The following MICU1 variants were observed in gnomAD, a reference collection of about 807,000 sequenced individuals.
MICU1 encodes the protein mitochondrial calcium uptake 1, also known as calcium uptake protein 1, mitochondrial.
Under a neutral mutation model 56.8 loss-of-function variants are expected in MICU1, and 45 were observed. The observed-to-expected ratio is 0.79, with a 90% CI of 0.62 to 1.02. MICU1 has a LOEUF of 1.02. Among genes scored for constraint, MICU1 ranks in the 50% least tolerant of loss-of-function variants. The pLI is 0.00. For synonymous variants in MICU1, 186 were observed against 195.1 expected, an observed-to-expected ratio of 0.95 and a Z score of 0.39; for missense variants, 504 against 587.1, an observed-to-expected ratio of 0.86 and a Z score of 1.46.
Position 72,566,663 on chromosome 10 carries a change from A to C in MICU1, c.131T>G (p.Val44Gly). 1 of 1,613,136 alleles carries C rather than the reference A, an allele frequency of 6.2e-7. No individual in the cohort carries two copies. The highest frequency in any genetic ancestry group is 8.5e-7 in the Non-Finnish European group (1 of 1,179,532). ...CCACAAAAGACCAGTACTTGCAGTT[A>C]CTGCAGATGCTCCCAGGAAAGCCAC... ...MMVAFLGASA[V>G]TASTGLLWKR... The change falls in exon 2 of 12, where the codon GTA becomes GGA. Residue 44 changes from valine to glycine, a missense_variant. Coordinates refer to ENST00000361114, the MANE Select transcript of MICU1 (RefSeq NM_001195518.2).
chr10:72,502,147 T>TTG (rs1867090673), intron 6 of MICU1, among the ~76,000 whole-genome samples: 2 of 84,034 alleles, frequency 2.4e-5, no homozygotes, highest in Non-Finnish European at 6.4e-5. Flanking sequence ...TGTTTTGCTG[T>TTG]TTTTTTTTTT....
chr10:72,402,785 G>A (rs927569436), intron 10 of MICU1, among the ~76,000 whole-genome samples: 1 of 152,156 alleles, frequency 6.6e-6, no homozygotes, highest in Non-Finnish European at 1.5e-5. Context: ...GGTGGCTGAT[G>A]CCTGTAATCT....
chr10:72,559,784 T>C (rs1840246734), intron 3 of MICU1, among the ~76,000 whole-genome samples: 1 of 152,150 alleles, frequency 6.6e-6, no homozygotes, highest in African/African-American at 2.4e-5. Context: ...CTGGTACTGG[T>C]CCGGGGCCTG....
chr10:72,521,927 T>C (rs1268212542), intron 5 of MICU1, among the ~76,000 whole-genome samples: 1 of 152,104 alleles, frequency 6.6e-6, no homozygotes, highest in Non-Finnish European at 1.5e-5. Flanking sequence ...TTTTGAAATG[T>C]GCATCACTTC....
At chr10:72,452,226 C>T (rs942742114) in intron 8 of MICU1, among the ~76,000 whole-genome samples, 2 of 152,180 alleles carry the variant, frequency 1.3e-5, no homozygotes, top group African/African-American at 2.4e-5. Context: ...TTTTCTTCCT[C>T]TAGCTGTCAG....
intron 8 of MICU1, among the ~76,000 whole-genome samples, chr10:72,432,106 T>TA (rs1429819966): frequency 2.5e-5 from 3 of 119,436 alleles, no homozygotes; most frequent in African/African-American, 7.9e-5. Context: ...TTTTTTTTTT[T>TA]AATTTGAGGC....
chr10:72,503,918 CGTG>C, intron 6 of MICU1, among the ~76,000 whole-genome samples: 1 of 150,676 alleles, frequency 6.6e-6, no homozygotes, highest in Non-Finnish European at 1.5e-5. Flanking sequence ...TAGGAATATA[CGTG>C]ACCAAGAAGG....
intron 8 of MICU1, among the ~76,000 whole-genome samples, chr10:72,424,796 C>T (rs1414309692): frequency 6.6e-6 from 1 of 152,192 alleles, no homozygotes; most frequent in Admixed American, 6.5e-5. Flanking sequence ...GTGGCACATT[C>T]GCTTCCTGTA....
chr10:72,408,053 C>G lies in MICU1; in HGVS notation c.1072-16G>C, dbSNP rs75180479. 1.9e-6 allele frequency: 3 copies of G among 1,573,584 alleles called. No homozygotes were observed. Among genetic ancestry groups the G allele is most frequent in the African/African-American group, 1.3e-5 (1 of 74,152 alleles). The stretch of plus-strand genomic sequence containing the variant: ...ATGTCAGACCCTGCAAGAGGAGAGA[C>G]AGCAAGGTAAGGCAGGACCTGTAAC... On this transcript the variant is annotated splice_polypyrimidine_tract_variant and intron_variant, in intron 9 of 11. Coordinates refer to ENST00000361114, the MANE Select transcript of MICU1 (RefSeq NM_001195518.2).
At chr10:72,481,184 G>A (rs1564893910) in intron 6 of MICU1, among the ~76,000 whole-genome samples, 2 of 152,132 alleles carry the variant, frequency 1.3e-5, no homozygotes, top group Non-Finnish European at 2.9e-5. Context: ...CAAAGCATAT[G>A]GGACAAACAA....
chr10:72,547,693 T>C (rs946379463), intron 4 of MICU1, among the ~76,000 whole-genome samples: 1 of 152,178 alleles, frequency 6.6e-6, no homozygotes, highest in Non-Finnish European at 1.5e-5. Context: ...GCACAAAGGA[T>C]AGAGAAACAT....
At chr10:72,596,979 T>C (rs1216109255) in intron 1 of MICU1, among the ~76,000 whole-genome samples, 3 of 152,044 alleles carry the variant, frequency 2.0e-5, no homozygotes, top group African/African-American at 7.2e-5. Context: ...GCTCATCAAT[T>C]TTAATAAATG....
At chr10:72,478,677 C>T (rs189827328) in intron 6 of MICU1, among the ~76,000 whole-genome samples, 2 of 152,348 alleles carry the variant, frequency 1.3e-5, no homozygotes, top group Admixed American at 1.3e-4. Flanking sequence ...TTTCTGGGCT[C>T]AAATTCCATT....
At chr10:72,407,513 AT>A in intron 10 of MICU1, among the ~76,000 whole-genome samples, 1 of 151,106 alleles carries the variant, frequency 6.6e-6, no homozygotes, top group Non-Finnish European at 1.5e-5. Flanking sequence ...TCAGAGTCAT[AT>A]TGTCTTAAAA....
At chr10:72,408,822 G>A (rs1398716235) in intron 9 of MICU1, among the ~76,000 whole-genome samples, 4 of 152,164 alleles carry the variant, frequency 2.6e-5, no homozygotes, top group Admixed American at 2.0e-4. Context: ...ACAGGGGAAC[G>A]GTGTCGGTAT....
chr10:72,565,906 C>T (rs1840421189), intron 2 of MICU1, among the ~76,000 whole-genome samples: 1 of 152,034 alleles, frequency 6.6e-6, no homozygotes, highest in South Asian at 2.1e-4. Flanking sequence ...CTGTGGCTCA[C>T]TACATTTTCT....
At chr10:72,584,052 A>T (rs1170413755) in intron 1 of MICU1, among the ~76,000 whole-genome samples, 1 of 152,262 alleles carries the variant, frequency 6.6e-6, no homozygotes, top group Admixed American at 6.5e-5. Flanking sequence ...AGAAACAAGT[A>T]TCATCTCACA....
At chr10:72,535,672 T>G (rs1291657470) in intron 4 of MICU1, among the ~76,000 whole-genome samples, 3 of 152,112 alleles carry the variant, frequency 2.0e-5, no homozygotes, top group Non-Finnish European at 4.4e-5. Context: ...CCTAAAGATT[T>G]TCAGGAAAAA....
chr10:72,600,180 T>C (rs1349903328), intron 1 of MICU1, among the ~76,000 whole-genome samples: 1 of 151,482 alleles, frequency 6.6e-6, no homozygotes, highest in Admixed American at 6.6e-5. Flanking sequence ...TAGTCCCAGC[T>C]ACTCTGGGGG....
Sources: gnomAD v4.1 joint callset for allele counts (sites outside exome capture counted in the v4.1 genomes callset) on GRCh38, gnomAD v4.1.1 for gene constraint, MANE v1.5 for transcripts, NCBI Gene and HGNC (gene_info 2026-07-23, HGNC 2026-07-21) for gene names.